Variants in CHD9 observed in about 807,000 individuals in gnomAD.
CHD9 encodes ATP-dependent chromatin remodeler CHD9.
In CHD9, 77 loss-of-function variants were observed where a neutral mutation model predicts 316.1. That is an observed-to-expected ratio of 0.24 (90% CI 0.20 to 0.29). The LOEUF (loss-of-function observed/expected upper bound fraction) is 0.29, where lower values mean the gene tolerates loss of function less well. CHD9 is among the 10% of genes least tolerant of loss of function. The pLI, the probability that CHD9 is intolerant of heterozygous loss-of-function variation, is 1.00. For synonymous variants in CHD9, 1,129 were observed against 1,158.3 expected, an observed-to-expected ratio of 0.97 and a Z score of 0.51; for missense variants, 2,763 against 3,438.1, an observed-to-expected ratio of 0.80 and a Z score of 4.91.
chr16:53,063,147 T>C (rs2152500191), intron 1 of CHD9, among the ~76,000 whole-genome samples: 1 of 152,302 alleles, frequency 6.6e-6, no homozygotes, highest in East Asian at 1.9e-4. Context: ...GTCATTCAAA[T>C]CATTCAATTA....
chr16:53,311,203 CT>C (rs1455776331), intron 34 of CHD9: 2 of 151,370 alleles, frequency 1.3e-5, no homozygotes, highest in Non-Finnish European at 2.9e-5. Context: ...TGTAACACGA[CT>C]TTTGCAGCTA....
chr16:53,091,263 C>T (rs1029504738), intron 1 of CHD9, among the ~76,000 whole-genome samples: 3 of 152,212 alleles, frequency 2.0e-5, no homozygotes, highest in Non-Finnish European at 4.4e-5. Context: ...CTGCCAAGAA[C>T]GCTGGAGTCA....
In CHD9 at chr16:53,222,762, AT is replaced by A; in HGVS notation, c.1896+9del. ...AAAAGATCAAGACTCTCAAGTGAGT[AT>A]TACAATTTTTTCTAGAAATGAAACA... On this transcript the variant is annotated splice_region_variant and intron_variant, in intron 4 of 38. Transcript: ENST00000447540. The A allele has an allele frequency of 1.5e-6, 2 of 1,351,772 alleles. No individual in the cohort carries two copies. The highest frequency in any genetic ancestry group is 2.1e-6 in the Non-Finnish European group (2 of 969,208). 83.7% of individuals were successfully genotyped at this position (1,351,772 alleles called of 1,614,324 possible).
intron 1 of CHD9, among the ~76,000 whole-genome samples, chr16:53,068,768 T>G (rs1303765021): frequency 6.6e-6 from 1 of 152,222 alleles, no homozygotes; most frequent in Non-Finnish European, 1.5e-5. Flanking sequence ...CGGTCTTGTT[T>G]ATACCTGCGG....
chr16:53,314,344 T>G (rs1273341922), intron 34 of CHD9, 33 bp from the exon 35 acceptor site: 1 of 1,487,108 alleles, frequency 6.7e-7, no homozygotes, highest in East Asian at 2.4e-5. Flanking sequence ...GAACTAAATT[T>G]GTATCACCAT....
intron 30 of CHD9, among the ~76,000 whole-genome samples, chr16:53,302,356 T>G (rs1056044014): frequency 6.6e-6 from 1 of 152,198 alleles, no homozygotes; most frequent in Non-Finnish European, 1.5e-5. Flanking sequence ...GCTTGTCTTA[T>G]GTTGTTACAT....
At chr16:53,227,926 A>T (rs978694449) in intron 7 of CHD9, among the ~76,000 whole-genome samples, 5 of 151,904 alleles carry the variant, frequency 3.3e-5, no homozygotes, top group Non-Finnish European at 4.4e-5. Flanking sequence ...TCTACTAAAA[A>T]TACAAAAAAA....
At chr16:53,250,995 A>G (rs1336990015) in intron 17 of CHD9, among the ~76,000 whole-genome samples, 1 of 152,220 alleles carries the variant, frequency 6.6e-6, no homozygotes, top group African/African-American at 2.4e-5. Flanking sequence ...AGCTTAAAAC[A>G]TATTTTAAAT....
chr16:53,215,371 A>G (rs1207912857), intron 3 of CHD9, among the ~76,000 whole-genome samples: 1 of 152,236 alleles, frequency 6.6e-6, no homozygotes, highest in African/African-American at 2.4e-5. Flanking sequence ...AACAGGAAGT[A>G]ATAGTCTAAG....
chr16:53,161,090 A>G (rs2041876160), intron 2 of CHD9, among the ~76,000 whole-genome samples: 1 of 152,118 alleles, frequency 6.6e-6, no homozygotes, highest in Admixed American at 6.6e-5. Flanking sequence ...GTCTCAAAAA[A>G]AGGAAAAGAA....
chr16:53,115,616 G>A (rs563527797), intron 1 of CHD9, among the ~76,000 whole-genome samples: 56 of 152,254 alleles, frequency 3.7e-4, no homozygotes, highest in African/African-American at 1.3e-3. Flanking sequence ...AATGGCAGCC[G>A]GTTTTTCTGC....
chr16:53,119,192 G>A (rs772666882), intron 1 of CHD9, among the ~76,000 whole-genome samples: 13 of 152,052 alleles, frequency 8.5e-5, no homozygotes, highest in Admixed American at 4.6e-4. Flanking sequence ...TTATGGTAAT[G>A]GTATCACATA....
At chr16:53,222,245 T>A (rs2047308328) in intron 3 of CHD9, among the ~76,000 whole-genome samples, 1 of 151,970 alleles carries the variant, frequency 6.6e-6, no homozygotes, top group South Asian at 2.1e-4. Context: ...CCTGACTAAT[T>A]TTTGTATTTT....
rs1361674240 is a variant in CHD9 at position 53,070,485 on chromosome 16, TTTCTTTCC to T, written c.-165+15412_-165+15419del. ...CGAGTAGCATGTCTTTCTTTCTTTC[TTTCTTTCC>T]TTCCTTCCTTCCTTCCTTCCTTCCT... On this transcript the variant is annotated intron_variant, in intron 1 of 38. Transcript: ENST00000447540. 6.6e-3 allele frequency among the ~76,000 whole-genome samples: 971 copies of T among 147,816 alleles called. 11 individuals are homozygous for T. Among genetic ancestry groups the T allele is most frequent in the African/African-American group, 0.024 (933 of 38,406 alleles).
Position 53,209,656 on chromosome 16 carries a change from C to T in CHD9, c.1627C>T (p.Arg543Cys), listed in dbSNP as rs376323053. The change falls in exon 3 of 39, where the codon CGC becomes TGC. Residue 543 changes from arginine (R) to cysteine (C), a missense_variant. Transcript: ENST00000447540. ...AGCAAAAGCAAAGGAGCGTGGGGAA[C>T]GCAATATTCCACGAGTAATGAGCCC... is the stretch of plus-strand genomic sequence containing the variant. Reference protein sequence around the residue: ...AIAKAKERGERNIPRVMSPEN... With the variant: ...AIAKAKERGECNIPRVMSPEN... 2.5e-5 allele frequency: 41 copies of T among 1,613,622 alleles called. No individual in the cohort carries two copies. Among genetic ancestry groups the T allele is most frequent in the African/African-American group, 1.3e-4 (10 of 74,848 alleles).
Position 53,157,248 on chromosome 16 carries a change from G to C in CHD9, c.1159G>C (p.Glu387Gln). The C allele has an allele frequency of 1.2e-6, 2 of 1,600,920 alleles. No homozygotes were observed. Among genetic ancestry groups the C allele is most frequent in the Non-Finnish European group, 1.7e-6 (2 of 1,172,852 alleles). ...HVETNGFSSL[E>Q]ENLLHQVESQ... Reference sequence around the variant, plus strand: ...AGAAACTAATGGCTTTTCATCTTTAGAAGAGAATTTACTTCATCAAGTGGA... The same window carrying C: ...AGAAACTAATGGCTTTTCATCTTTACAAGAGAATTTACTTCATCAAGTGGA... The change falls in exon 2 of 39, where the codon GAA becomes CAA. Residue 387 changes from glutamate to glutamine, a missense_variant. Transcript: ENST00000447540.
At chr16:53,076,406 C>T (rs112708531) in intron 1 of CHD9, among the ~76,000 whole-genome samples, 5,750 of 152,080 alleles carry the variant, frequency 0.038, 100 homozygotes, top group African/African-American at 0.043. Context: ...AAAACCCCAT[C>T]TCTACTAAAA....
chr16:53,236,316 G>A (rs1291620840), intron 11 of CHD9, among the ~76,000 whole-genome samples: 1 of 152,026 alleles, frequency 6.6e-6, no homozygotes, highest in Admixed American at 6.6e-5. Context: ...CCCGGGGATG[G>A]TAGGTAAACT....
chr16:53,080,844 C>T (rs1226674750), intron 1 of CHD9, among the ~76,000 whole-genome samples: 1 of 152,210 alleles, frequency 6.6e-6, no homozygotes, highest in Non-Finnish European at 1.5e-5. Flanking sequence ...CATCAGCTTT[C>T]ATCCTCTGTG....
Sources: gnomAD v4.1 joint callset for allele counts (sites outside exome capture counted in the v4.1 genomes callset) on GRCh38, gnomAD v4.1.1 for gene constraint, MANE v1.5 for transcripts, NCBI Gene and HGNC (gene_info 2026-07-23, HGNC 2026-07-21) for gene names.